PCGF6: variants seen among roughly 807,000 people sequenced by gnomAD.
PCGF6 encodes the protein polycomb group ring finger 6, also known as polycomb group RING finger protein 6.
In PCGF6, 24 loss-of-function variants were observed where a neutral mutation model predicts 45.5. The ratio of observed to expected loss-of-function variants is 0.53; its 90% CI spans 0.38 to 0.74. PCGF6 has a LOEUF of 0.74. Among genes scored for constraint, PCGF6 ranks in the 30% least tolerant of loss-of-function variants. PCGF6 has a pLI of 0.00. For missense variants in PCGF6, 356 were observed against 443.2 expected, an observed-to-expected ratio of 0.80 and a Z score of 1.77; for synonymous variants, 152 against 162.1, an observed-to-expected ratio of 0.94 and a Z score of 0.47.
Position 103,303,739 on chromosome 10 carries a change from T to C in PCGF6, c.*166A>G, listed in dbSNP as rs2093127414. ...AGTCTCTAGTAACAGATGCATTCCA[T>C]CGTTCCAAGTTGTACTTATAAACGC... On this transcript the variant is annotated 3_prime_UTR_variant, in exon 10 of 10. Coordinates refer to ENST00000369847, the MANE Select transcript of PCGF6 (RefSeq NM_001011663.2). 9 of 529,468 alleles carry C rather than the reference T, an allele frequency of 1.7e-5. No homozygotes were observed. The highest frequency in any genetic ancestry group is 5.2e-4 in the Middle Eastern group (1 of 1,940). The allele number at this position is 529,468 out of a possible 1,614,324, so 32.8% of individuals were successfully genotyped here. A position where few individuals can be genotyped will look rare whatever the true frequency, so the allele number is the denominator to read the frequency against.
At chr10:103,331,390 T>C (rs1412742718) in intron 7 of PCGF6, among the ~76,000 whole-genome samples, 1 of 152,092 alleles carries the variant, frequency 6.6e-6, no homozygotes, top group Admixed American at 6.6e-5. Context: ...CCCAAGTAGC[T>C]GGGATTATAG....
chr10:103,346,990 G>T (rs546482380), intron 5 of PCGF6, among the ~76,000 whole-genome samples: 1 of 152,096 alleles, frequency 6.6e-6, no homozygotes, highest in East Asian at 1.9e-4. Context: ...AGACATTTAC[G>T]TATGTAACTG....
chr10:103,325,852 T>TAA (rs34739627), intron 8 of PCGF6, among the ~76,000 whole-genome samples: 103 of 135,214 alleles, frequency 7.6e-4, no homozygotes, highest in East Asian at 5.2e-3. Context: ...CCGCATCTCT[T>TAA]AAAAAAAAAA....
At chr10:103,348,847 C>G (rs1467667073) in intron 2 of PCGF6, 35 bp from the exon 3 acceptor site, 1 of 1,603,698 alleles carries the variant, frequency 6.2e-7, no homozygotes, top group Non-Finnish European at 8.5e-7. Flanking sequence ...AGGATGCTTT[C>G]AAGACATTTC....
chr10:103,325,322 T>G (rs1311119673), intron 8 of PCGF6, among the ~76,000 whole-genome samples: 1 of 152,088 alleles, frequency 6.6e-6, no homozygotes, highest in Non-Finnish European at 1.5e-5. Flanking sequence ...AGCGCAATCT[T>G]GGCTCACTGT....
intron 7 of PCGF6, among the ~76,000 whole-genome samples, chr10:103,327,480 T>C (rs2093223005): frequency 6.6e-6 from 1 of 152,130 alleles, no homozygotes; most frequent in Non-Finnish European, 1.5e-5. Context: ...GAAATTTAAG[T>C]AGTACATGAA....
At chr10:103,341,096 G>A (rs920581511) in intron 6 of PCGF6, among the ~76,000 whole-genome samples, 6 of 151,650 alleles carry the variant, frequency 4.0e-5, no homozygotes, top group African/African-American at 1.5e-4. Flanking sequence ...AGGCATGGTG[G>A]CTGGCACCTG....
chr10:103,332,472 T>G (rs1290986908), intron 7 of PCGF6, among the ~76,000 whole-genome samples: 1 of 152,020 alleles, frequency 6.6e-6, no homozygotes, highest in African/African-American at 2.4e-5. Context: ...GACAGGGTAT[T>G]CCTGTGTTGC....
At chr10:103,341,066 C>T (rs1299720652) in intron 6 of PCGF6, among the ~76,000 whole-genome samples, 1 of 151,656 alleles carries the variant, frequency 6.6e-6, no homozygotes, top group African/African-American at 2.4e-5. Context: ...CCTGTCTCTA[C>T]TAAAAATAGA....
chr10:103,348,648 C>G (rs1298939909), intron 3 of PCGF6, 68 bp downstream of exon 3: 9 of 1,194,310 alleles, frequency 7.5e-6, no homozygotes, highest in African/African-American at 6.3e-5. Flanking sequence ...TTTATTCCAA[C>G]TATATAACTT....
chr10:103,326,803 A>G (rs974116903), intron 7 of PCGF6, among the ~76,000 whole-genome samples, 171 bp from the exon 8 acceptor site: 12 of 152,226 alleles, frequency 7.9e-5, no homozygotes, highest in African/African-American at 2.9e-4. Flanking sequence ...CATATCAGAG[A>G]AGAAAAATGG....
chr10:103,305,829 C>T (rs1232781080), intron 9 of PCGF6, among the ~76,000 whole-genome samples: 1 of 151,376 alleles, frequency 6.6e-6, no homozygotes, highest in African/African-American at 2.4e-5. Flanking sequence ...GGGCAGGTCA[C>T]TTGAGACCGG....
chr10:103,304,993 T>C (rs1265155802), intron 9 of PCGF6, among the ~76,000 whole-genome samples: 1 of 152,110 alleles, frequency 6.6e-6, no homozygotes, highest in African/African-American at 2.4e-5. Context: ...AACTATCATG[T>C]AGCCATAAAC....
At chr10:103,331,477 C>T (rs2093239861) in intron 7 of PCGF6, among the ~76,000 whole-genome samples, 1 of 152,044 alleles carries the variant, frequency 6.6e-6, no homozygotes, top group African/African-American at 2.4e-5. Flanking sequence ...AGGCTAGTCT[C>T]GAACTCCTGA....
chr10:103,345,187 G>A, intron 5 of PCGF6, 55 bp from the exon 6 acceptor site: 1 of 1,261,398 alleles, frequency 7.9e-7, no homozygotes, highest in Middle Eastern at 1.9e-4. Flanking sequence ...CATAAATTGA[G>A]ATCTTTGGAA....
chr10:103,342,184 C>G (rs1484804738), intron 6 of PCGF6, among the ~76,000 whole-genome samples: 5 of 151,954 alleles, frequency 3.3e-5, no homozygotes, highest in African/African-American at 1.2e-4. Flanking sequence ...GATCCGCCCA[C>G]CTCGGCCTCC....
At position 103,350,811 on chromosome 10, in the gene PCGF6, C is replaced by T. The variant is rs761333383; in HGVS notation, c.256G>A (p.Glu86Lys). 11 of 1,552,154 alleles carry T rather than the reference C, an allele frequency of 7.1e-6. No homozygotes were observed. Among genetic ancestry groups the T allele is most frequent in the African/African-American group, 1.4e-5 (1 of 72,816 alleles). ...TCTTCCTCCTCCAGCTCCTCTTCTT[C>T]TTCCAACTCCTCGTCCTCGTCCTCG... ...RFEDEDEELE[E>K]EEELEEEEEE... The change falls in exon 1 of 10, where the codon GAA becomes AAA. Residue 86 changes from glutamate (E) to lysine (K), a missense_variant. This residue lies in a region of PCGF6 where 307 missense variants were observed against 350.1 expected (regional missense o/e 0.88). Coordinates refer to ENST00000369847, the MANE Select transcript of PCGF6 (RefSeq NM_001011663.2).
At chr10:103,304,060 A>T (rs1340116574) in intron 9 of PCGF6, 99 bp from the exon 10 acceptor site, 2 of 881,298 alleles carry the variant, frequency 2.3e-6, no homozygotes, top group Non-Finnish European at 3.6e-6. Flanking sequence ...ATAATCTAAC[A>T]CTAAGGTGAA....
At chr10:103,315,129 A>G (rs1244953965) in intron 8 of PCGF6, among the ~76,000 whole-genome samples, 1 of 152,134 alleles carries the variant, frequency 6.6e-6, no homozygotes, top group Non-Finnish European at 1.5e-5. Context: ...TGTTTTGTAG[A>G]TGGAACAATT....
Sources: allele counts gnomAD v4.1 joint callset (sites outside exome capture counted in the v4.1 genomes callset), GRCh38; gene constraint gnomAD v4.1.1; regional missense constraint gnomAD v4.1.1; transcripts MANE v1.5; gene names NCBI Gene and HGNC (gene_info 2026-07-23, HGNC 2026-07-21).